PLCB4: variants seen among roughly 807,000 people sequenced by gnomAD.
PLCB4 encodes the protein phospholipase C beta 4.
Under a neutral mutation model 178.8 loss-of-function variants are expected in PLCB4, and 77 were observed. That is an observed-to-expected ratio of 0.43 (90% confidence interval 0.36 to 0.52). PLCB4 has a LOEUF of 0.52. PLCB4 is among the 20% of genes least tolerant of loss of function. The pLI is 0.00. For missense variants in PLCB4, 1,024 were observed against 1,453.4 expected (o/e 0.70, Z 4.80); for synonymous variants, 496 against 490.8 (o/e 1.01, Z -0.14).
chr20:9,356,351 A>T (rs1351151132), intron 7 of PLCB4, among the ~76,000 whole-genome samples: 1 of 152,200 alleles, frequency 6.6e-6, no homozygotes, highest in East Asian at 1.9e-4. Context: ...AAGAGGAAAC[A>T]TGTTGGTGGT....
chr20:9,280,509 C>G (rs1318276278), intron 3 of PLCB4: 1 of 960,346 alleles, frequency 1.0e-6, no homozygotes, highest in Admixed American at 6.2e-5. Context: ...CACTGGGTTT[C>G]TCATCCCATT....
At chr20:9,138,276 A>G (rs1172775665) in intron 2 of PLCB4, among the ~76,000 whole-genome samples, 1 of 152,122 alleles carries the variant, frequency 6.6e-6, no homozygotes, top group Non-Finnish European at 1.5e-5. Context: ...TAGAATGGTA[A>G]TCTGATTCTT....
At chr20:9,122,574 A>C (rs1156937530) in intron 2 of PLCB4, among the ~76,000 whole-genome samples, 1 of 152,190 alleles carries the variant, frequency 6.6e-6, no homozygotes, top group African/African-American at 2.4e-5. Flanking sequence ...TCACAAGACA[A>C]TATAGATTAA....
chr20:9,235,947 G>T (rs1358165112), intron 3 of PLCB4, among the ~76,000 whole-genome samples: 7 of 152,136 alleles, frequency 4.6e-5, no homozygotes, highest in Admixed American at 4.6e-4. Flanking sequence ...GCCTTGGCTT[G>T]TCTGTGATTT....
intron 38 of PLCB4, among the ~76,000 whole-genome samples, chr20:9,473,950 G>A (rs2044365216): frequency 6.6e-6 from 1 of 152,146 alleles, no homozygotes; most frequent in Admixed American, 6.5e-5. Context: ...GGGCGCAGTG[G>A]GCTCATGCCT....
At chr20:9,403,596 A>T (rs987958201) in intron 20 of PLCB4, among the ~76,000 whole-genome samples, 1 of 152,232 alleles carries the variant, frequency 6.6e-6, no homozygotes, top group African/African-American at 2.4e-5. Flanking sequence ...TTTTTGGCAG[A>T]AAAAGGAAAG....
At chr20:9,436,910 G>A in intron 29 of PLCB4, 92 bp from the exon 30 acceptor site, 1 of 1,199,466 alleles carries the variant, frequency 8.3e-7, no homozygotes, top group Non-Finnish European at 1.2e-6. Context: ...GAGTATGGTA[G>A]AAGTTTACTG....
intron 3 of PLCB4, among the ~76,000 whole-genome samples, chr20:9,231,494 G>A (rs2093931689): frequency 6.6e-6 from 1 of 152,070 alleles, no homozygotes; most frequent in Non-Finnish European, 1.5e-5. Flanking sequence ...ATGGGGCTCT[G>A]TTAAGGGAGC....
At chr20:9,266,862 T>C (rs2094354542) in intron 3 of PLCB4, among the ~76,000 whole-genome samples, 1 of 152,154 alleles carries the variant, frequency 6.6e-6, no homozygotes, top group Non-Finnish European at 1.5e-5. Flanking sequence ...ATGTTACAAA[T>C]TATAAATTAA....
At chr20:9,093,272 C>A (rs2090763777) in intron 1 of PLCB4, among the ~76,000 whole-genome samples, 3 of 152,262 alleles carry the variant, frequency 2.0e-5, no homozygotes, top group Admixed American at 2.0e-4. Flanking sequence ...TTGAAAACAA[C>A]TGAATTTTGT....
chr20:9,340,914 G>A (rs2033113948), intron 7 of PLCB4, among the ~76,000 whole-genome samples: 1 of 152,100 alleles, frequency 6.6e-6, no homozygotes, highest in Non-Finnish European at 1.5e-5. Flanking sequence ...TTAGCTATTA[G>A]GATGACAGAG....
chr20:9,079,399 T>G (rs1410078702), intron 1 of PLCB4, among the ~76,000 whole-genome samples: 1 of 152,174 alleles, frequency 6.6e-6, no homozygotes, highest in Non-Finnish European at 1.5e-5. Flanking sequence ...CAAGAAAGGC[T>G]GACAAGAGCT....
intron 2 of PLCB4, among the ~76,000 whole-genome samples, chr20:9,198,104 T>C (rs1287390575): frequency 1.3e-5 from 2 of 152,238 alleles, no homozygotes; most frequent in Non-Finnish European, 2.9e-5. Context: ...TGAATTCCTG[T>C]GGTAAACATG....
intron 12 of PLCB4, among the ~76,000 whole-genome samples, chr20:9,374,369 G>T (rs1465091155): frequency 6.6e-6 from 1 of 152,122 alleles, no homozygotes; most frequent in Non-Finnish European, 1.5e-5. Flanking sequence ...TACTATCCAC[G>T]TTCTTATGCC....
At chr20:9,426,898 TCTG>T (rs1338239366) in intron 28 of PLCB4, among the ~76,000 whole-genome samples, 1 of 152,122 alleles carries the variant, frequency 6.6e-6, no homozygotes, top group African/African-American at 2.4e-5. Flanking sequence ...TGCAACTCCT[TCTG>T]CTTCTCCTTC....
Position 9,473,323 on chromosome 20 carries a change from C to A in PLCB4, c.3453C>A (p.Val1151=). 6.3e-7 allele frequency: 1 copy of A among 1,591,856 alleles called. No homozygotes were observed. Among genetic ancestry groups the A allele is most frequent in the Non-Finnish European group, 8.6e-7 (1 of 1,167,636 alleles). ...QSKEMDQLKK[V]QLEHLEFLEK... ...AAGAAATGGATCAGTTGAAAAAAGT[C>A]CAGCTTGAACATCTAGAATTCCTAG... The change falls in exon 38 of 40, where the codon GTC becomes GTA. Residue 1151 remains valine, a synonymous_variant. Coordinates refer to ENST00000378473, the MANE Select transcript of PLCB4 (RefSeq NM_001377142.1).
intron 9 of PLCB4, among the ~76,000 whole-genome samples, chr20:9,367,960 G>A (rs1221462460): frequency 6.6e-6 from 1 of 152,166 alleles, no homozygotes; most frequent in Non-Finnish European, 1.5e-5. Flanking sequence ...GTTTGTTAGA[G>A]TTGATGGAGA....
At chr20:9,237,074 G>A (rs911407601) in intron 3 of PLCB4, among the ~76,000 whole-genome samples, 2 of 151,968 alleles carry the variant, frequency 1.3e-5, no homozygotes, top group Non-Finnish European at 2.9e-5. Flanking sequence ...AAGAGAGAAT[G>A]AATGAAAAAA....
chr20:9,367,905 A>G (rs2035918216), intron 9 of PLCB4, among the ~76,000 whole-genome samples: 1 of 152,194 alleles, frequency 6.6e-6, no homozygotes, highest in Non-Finnish European at 1.5e-5. Context: ...GGTGCTTGCC[A>G]GTATTAACAG....
Sources: gnomAD v4.1 joint callset for allele counts (sites outside exome capture counted in the v4.1 genomes callset) on GRCh38, gnomAD v4.1.1 for gene constraint, MANE v1.5 for transcripts, NCBI Gene and HGNC (gene_info 2026-07-23, HGNC 2026-07-21) for gene names.